Variants in CSMD1 observed in about 807,000 individuals in gnomAD.
The protein encoded by CSMD1 is CUB and sushi domain-containing protein 1.
Under a neutral mutation model 417.5 loss-of-function variants are expected in CSMD1, and 213 were observed. The ratio of observed to expected loss-of-function variants is 0.51; its 90% confidence interval spans 0.46 to 0.57. The LOEUF (loss-of-function observed/expected upper bound fraction) is 0.57. CSMD1 is among the 20% of genes least tolerant of loss of function. CSMD1 has a pLI of 0.00. For synonymous variants in CSMD1, 2,862 were observed against 1,736.8 expected, an observed-to-expected ratio of 1.65 and a Z score of -16.11; for missense variants, 6,923 against 4,529.7, an observed-to-expected ratio of 1.53 and a Z score of -15.17.
intron 5 of CSMD1, among the ~76,000 whole-genome samples, chr8:3,888,752 C>T (rs1351107418): frequency 1.3e-5 from 2 of 152,136 alleles, no homozygotes; most frequent in African/African-American, 2.4e-5. Flanking sequence ...GGACAACAAA[C>T]CGACCTTCCA....
Position 3,300,559 on chromosome 8 carries a change from G to C in CSMD1, c.3950+7136C>G, listed in dbSNP as rs146176085. Among the ~76,000 whole-genome samples, 73 of 152,150 alleles carry C rather than the reference G, an allele frequency of 4.8e-4. No homozygotes were observed. The East Asian group carries it at 0.01, about 22-fold the overall frequency. On this transcript the variant is annotated intron_variant, in intron 25 of 69. Coordinates refer to ENST00000635120, the MANE Select transcript of CSMD1 (RefSeq NM_033225.6). ...ACATATGAGGATGCTCACACCCTTT[G>C]ACCCAGCAAACAAATTTCCTAGGCA... is the stretch of plus-strand genomic sequence containing the variant.
At chr8:4,858,149 G>A (rs1004644144) in intron 1 of CSMD1, among the ~76,000 whole-genome samples, 7 of 149,704 alleles carry the variant, frequency 4.7e-5, no homozygotes, top group South Asian at 2.1e-4. Flanking sequence ...TATAAACAGA[G>A]CCAAAGACAA....
At chr8:3,853,151 T>G (rs1369561016) in intron 5 of CSMD1, among the ~76,000 whole-genome samples, 2 of 152,126 alleles carry the variant, frequency 1.3e-5, no homozygotes, top group Non-Finnish European at 2.9e-5. Context: ...CCGCGTCCCT[T>G]GGCTTCAAGG....
In CSMD1 at chr8:3,773,289, G is replaced by A. The variant is rs113622406; in HGVS notation, c.819-19247C>T. 2.8e-3 allele frequency among the ~76,000 whole-genome samples: 423 copies of A among 152,216 alleles called. 3 individuals carry two copies. Among genetic ancestry groups the A allele is most frequent in the African/African-American group, 9.4e-3 (390 of 41,540 alleles). On this transcript the variant is annotated intron_variant, in intron 5 of 69. Coordinates refer to ENST00000635120, the MANE Select transcript of CSMD1 (RefSeq NM_033225.6). ...CATAATTTGGGGATATAATAGGTTT[G>A]GGGAGAGCTGGTAGGATGGGGTCTT...
chr8:4,972,270 T>A (rs13280780), intron 1 of CSMD1, among the ~76,000 whole-genome samples: 1 of 151,708 alleles, frequency 6.6e-6, no homozygotes. Flanking sequence ...GATATTGTTT[T>A]GCTCTGTCAC....
Position 3,029,307 on chromosome 8 carries a change from C to G in CSMD1, c.7855+12G>C. The G allele has an allele frequency of 6.3e-7, 1 of 1,593,224 alleles. No homozygotes were observed. Among genetic ancestry groups the G allele is most frequent in the African/African-American group, 1.4e-5 (1 of 73,036 alleles). On this transcript the variant is annotated intron_variant, in intron 51 of 69. Coordinates refer to ENST00000635120, the MANE Select transcript of CSMD1 (RefSeq NM_033225.6). ...TGCCGTGACTTTCAGGGGTGCCTCCCTCATCACTTACCTCGACAGCTTGGC... is the reference window on the plus strand; with the variant it reads ...TGCCGTGACTTTCAGGGGTGCCTCCGTCATCACTTACCTCGACAGCTTGGC...
chr8:3,900,399 GTGGGTGACAGGGCAGC>G (rs1285173188), intron 5 of CSMD1, among the ~76,000 whole-genome samples: 17 of 143,654 alleles, frequency 1.2e-4, no homozygotes, highest in African/African-American at 2.6e-4. Context: ...GACAGTATAG[GTGGGTGACAGGGCAGC>G]TGGGTGACAG....
chr8:4,971,866 T>C (rs1387618713), intron 1 of CSMD1, among the ~76,000 whole-genome samples: 1 of 152,102 alleles, frequency 6.6e-6, no homozygotes, highest in Non-Finnish European at 1.5e-5. Context: ...AAATGGACTG[T>C]AATCCCCTTT....
At chr8:3,986,271 C>G (rs1280074690) in intron 5 of CSMD1, among the ~76,000 whole-genome samples, 1 of 152,106 alleles carries the variant, frequency 6.6e-6, no homozygotes, top group East Asian at 1.9e-4. Flanking sequence ...AGGGCATCAA[C>G]ATTCTCTCTA....
At chr8:3,897,591 G>A (rs954642191) in intron 5 of CSMD1, among the ~76,000 whole-genome samples, 2 of 151,684 alleles carry the variant, frequency 1.3e-5, no homozygotes. Context: ...AAAAGGCTAT[G>A]CATTTTAAGT....
At chr8:4,528,609 G>A (rs546552380) in intron 2 of CSMD1, among the ~76,000 whole-genome samples, 1 of 152,084 alleles carries the variant, frequency 6.6e-6, no homozygotes, top group Non-Finnish European at 1.5e-5. Flanking sequence ...TAAAGCAAAA[G>A]GAAATTTTAG....
rs138539965 is a variant in CSMD1 at position 3,683,159 on chromosome 8, C to T, written c.1009+25255G>A. On this transcript the variant is annotated intron_variant, in intron 7 of 69. Transcript: ENST00000635120. ...CATGTATACATATGTAACAAACCTG[C>T]ACGTTGTGCACTTGTACCCTAGAAG... 5.4e-3 allele frequency among the ~76,000 whole-genome samples: 821 copies of T among 152,034 alleles called. 6 individuals are homozygous for T. Among genetic ancestry groups the T allele is most frequent in the South Asian group, 0.012 (56 of 4,808 alleles).
At chr8:4,801,111 G>T (rs997852303) in intron 1 of CSMD1, among the ~76,000 whole-genome samples, 6 of 152,084 alleles carry the variant, frequency 3.9e-5, no homozygotes, top group African/African-American at 1.2e-4. Context: ...ATAAAGAAAA[G>T]AAAAATTGGT....
At chr8:3,750,493 T>C (rs17399017) in intron 6 of CSMD1, among the ~76,000 whole-genome samples, 24,327 of 152,086 alleles carry the variant, frequency 0.16, 1,998 homozygotes, top group Admixed American at 0.18. Context: ...CAAATATCAA[T>C]CGACTATGCT....
intron 5 of CSMD1, among the ~76,000 whole-genome samples, chr8:3,755,984 G>C (rs1797633680): frequency 6.6e-6 from 1 of 151,848 alleles, no homozygotes. Flanking sequence ...GCCTAATACG[G>C]AGAATGTCTA....
chr8:3,718,983 G>T (rs973923151), intron 6 of CSMD1, among the ~76,000 whole-genome samples: 3 of 152,066 alleles, frequency 2.0e-5, no homozygotes, highest in East Asian at 3.9e-4. Flanking sequence ...GCGCAAAGGG[G>T]GAGGCAGAAC....
At chr8:4,802,350 C>CGTGTGT (rs1422073371) in intron 1 of CSMD1, among the ~76,000 whole-genome samples, 6 of 138,644 alleles carry the variant, frequency 4.3e-5, no homozygotes, top group Non-Finnish European at 7.5e-5. Flanking sequence ...AGTGTGTGCG[C>CGTGTGT]GCGTGTGTGT....
intron 1 of CSMD1, among the ~76,000 whole-genome samples, chr8:4,639,727 A>ATATATATATATATTATAT: frequency 6.6e-6 from 1 of 152,224 alleles, no homozygotes; most frequent in Non-Finnish European, 1.5e-5. Context: ...TTTTATACTT[A>ATATATATATATATTATAT]AAAAGTATTT....
intron 11 of CSMD1, among the ~76,000 whole-genome samples, chr8:3,475,499 G>A (rs7004179): frequency 0.59 from 89,776 of 152,012 alleles, 27,186 homozygotes; most frequent in Middle Eastern, 0.73. Flanking sequence ...AACATTTGGA[G>A]TTCTGTGATG....
Sources: gnomAD v4.1 joint callset for allele counts (sites outside exome capture counted in the v4.1 genomes callset) on GRCh38, gnomAD v4.1.1 for gene constraint, MANE v1.5 for transcripts, NCBI Gene and HGNC (gene_info 2026-07-23, HGNC 2026-07-21) for gene names.